The following RGS6 variants were observed in gnomAD, a reference collection of about 807,000 sequenced individuals.
RGS6 encodes the protein regulator of G-protein signaling 6.
In RGS6, 30 loss-of-function variants were observed where a neutral mutation model predicts 78.5. The observed-to-expected ratio is 0.38, with a 90% confidence interval of 0.29 to 0.52. The LOEUF is 0.52. Among genes scored for constraint, RGS6 ranks in the 20% least tolerant of loss-of-function variants. RGS6 has a pLI of 0.85. For missense variants in RGS6, 495 were observed against 609.7 expected (o/e 0.81, Z 1.98); for synonymous variants, 206 against 206.0 (o/e 1.00, Z 0.00).
At chr14:71,994,257 G>C (rs59797803) in intron 2 of RGS6, among the ~76,000 whole-genome samples, 5,837 of 151,950 alleles carry the variant, frequency 0.038, 362 homozygotes, top group African/African-American at 0.13. Flanking sequence ...CAATACCAAG[G>C]TTAAGTAGTA....
At chr14:71,970,468 C>T (rs1595421952) in intron 2 of RGS6, among the ~76,000 whole-genome samples, 1 of 152,138 alleles carries the variant, frequency 6.6e-6, no homozygotes, top group Non-Finnish European at 1.5e-5. Context: ...GTAAATGTCA[C>T]ACTATTTTAG....
At chr14:72,276,034 T>C (rs545774160) in intron 2 of RGS6, among the ~76,000 whole-genome samples, 83 of 152,316 alleles carry the variant, frequency 5.4e-4, no homozygotes, top group African/African-American at 1.9e-3. Flanking sequence ...TTAAGAGCTT[T>C]TTAATTTCAA....
At chr14:72,326,754 G>A (rs373256613) in intron 2 of RGS6, among the ~76,000 whole-genome samples, 1 of 152,164 alleles carries the variant, frequency 6.6e-6, no homozygotes, top group Admixed American at 6.5e-5. Flanking sequence ...CCAGACTGGA[G>A]TGCAGTGACG....
rs190252494 is a variant in RGS6 at position 72,316,409 on chromosome 14, C to T, written c.85-35686C>T. Among the ~76,000 whole-genome samples the T allele has an allele frequency of 2.0e-5, 3 of 152,232 alleles. No homozygotes were observed. In the East Asian group the frequency reaches 5.8e-4, roughly 29 times the overall value. On this transcript the variant is annotated intron_variant, in intron 2 of 17. Transcript: ENST00000553525. ...CCATGCACCCACCCCACAACAGGCC[C>T]CAGTGTGTGATGTTCCCCACCCTGT...
chr14:72,234,966 T>A (rs775238107), intron 2 of RGS6, among the ~76,000 whole-genome samples: 73 of 152,166 alleles, frequency 4.8e-4, no homozygotes, highest in Admixed American at 2.6e-4. Context: ...ATTTCCCACC[T>A]CAGAGACGAT....
At position 72,352,144 on chromosome 14, in the gene RGS6, C is replaced by A; in HGVS notation, c.134C>A (p.Pro45His). 1.2e-6 allele frequency: 2 copies of A among 1,613,330 alleles called. No homozygotes were observed. Among genetic ancestry groups the A allele is most frequent in the Non-Finnish European group, 1.7e-6 (2 of 1,179,662 alleles). Residue 45 changes from proline to histidine, a missense_variant, in exon 3 of 18, where the codon CCC becomes CAC. Physicochemically the swap from Pro to His is moderately conservative, Grantham distance 77. Transcript: ENST00000553525. ...CAAGATGACAAGACAGGGGGTGTGC[C>A]CATCAGAACAGTCAAGAGCTTTCTC... The part of the protein sequence containing the change: ...KMQDDKTGGV[P>H]IRTVKSFLSK...
rs80055007 is a variant in RGS6 at position 72,155,032 on chromosome 14, T to G, written c.84+190157T>G. The stretch of plus-strand genomic sequence containing the variant: ...CAGAGTGAAGTAAACAATTTCACCG[T>G]TAGGTGGTTCACCCTGCATGCCTCA... On this transcript the variant is annotated intron_variant, in intron 2 of 17. Coordinates refer to ENST00000553525, the MANE Select transcript of RGS6 (RefSeq NM_001204424.2). Among the ~76,000 whole-genome samples the G allele has an allele frequency of 3.7e-3, 559 of 152,320 alleles. 13 individuals carry two copies. In the East Asian group the frequency reaches 0.054, roughly 15 times the overall value.
At chr14:72,341,627 C>A (rs1388743137) in intron 2 of RGS6, among the ~76,000 whole-genome samples, 1 of 152,152 alleles carries the variant, frequency 6.6e-6, no homozygotes, top group Non-Finnish European at 1.5e-5. Flanking sequence ...GCAAAACAGG[C>A]TGGGAGGAGT....
At chr14:72,584,165 G>A in the RGS6 span, among the ~76,000 whole-genome samples, 1 of 152,074 alleles carries the variant, frequency 6.6e-6, no homozygotes, top group Non-Finnish European at 1.5e-5. Flanking sequence ...CACTGTCTGG[G>A]GTGTTCAATT....
intron 2 of RGS6, among the ~76,000 whole-genome samples, chr14:72,223,966 G>A (rs1250298247): frequency 6.6e-6 from 1 of 152,214 alleles, no homozygotes; most frequent in Admixed American, 6.5e-5. Context: ...ACACCTGAGA[G>A]CAGAGACACA....
the RGS6 span, among the ~76,000 whole-genome samples, chr14:71,921,343 G>A: frequency 3.8e-4 from 58 of 152,264 alleles, no homozygotes; most frequent in African/African-American, 9.4e-4. Context: ...TAGAACTACC[G>A]TATTACCCAG....
intron 2 of RGS6, among the ~76,000 whole-genome samples, chr14:72,347,377 T>G (rs1033622443): frequency 1.3e-5 from 2 of 152,310 alleles, no homozygotes; most frequent in Admixed American, 1.3e-4. Flanking sequence ...CAGCAGTCAT[T>G]GGGCAGAAAT....
At chr14:71,882,063 G>A in the RGS6 span, among the ~76,000 whole-genome samples, 2,159 of 152,096 alleles carry the variant, frequency 0.014, 44 homozygotes, top group African/African-American at 0.049. Flanking sequence ...GAACTTTTAC[G>A]CCATCCCAGA....
intron 13 of RGS6, among the ~76,000 whole-genome samples, chr14:72,499,246 A>G (rs143963559): frequency 6.6e-6 from 1 of 152,322 alleles, no homozygotes; most frequent in African/African-American, 2.4e-5. Context: ...CTGGTTCCCA[A>G]GATGTTTTTT....
At chr14:71,997,773 C>A (rs1326189940) in intron 2 of RGS6, among the ~76,000 whole-genome samples, 2 of 152,174 alleles carry the variant, frequency 1.3e-5, no homozygotes, top group African/African-American at 4.8e-5. Context: ...GTTCATAAAG[C>A]ACTTTTACAT....
chr14:72,242,998 G>T (rs556199452), intron 2 of RGS6, among the ~76,000 whole-genome samples: 1 of 151,724 alleles, frequency 6.6e-6, no homozygotes, highest in South Asian at 2.1e-4. Flanking sequence ...ACAGGCGCGC[G>T]CCACCACACC....
intron 2 of RGS6, among the ~76,000 whole-genome samples, chr14:72,321,022 G>A (rs1247959592): frequency 6.6e-6 from 1 of 150,666 alleles, no homozygotes; most frequent in Admixed American, 6.6e-5. Flanking sequence ...AATATATAAG[G>A]TACATGTTTA....
At chr14:72,047,905 T>G (rs1017590313) in intron 2 of RGS6, among the ~76,000 whole-genome samples, 16 of 147,576 alleles carry the variant, frequency 1.1e-4, no homozygotes, top group African/African-American at 2.0e-4. Flanking sequence ...TTTGTTTTTT[T>G]TTTTTTTTTT....
chr14:72,441,551 G>A (rs778936200), intron 3 of RGS6, among the ~76,000 whole-genome samples: 1 of 152,206 alleles, frequency 6.6e-6, no homozygotes, highest in Admixed American at 6.5e-5. Context: ...GGCACTGAGC[G>A]CCATCCCAGG....
Sources: gnomAD v4.1 joint callset for allele counts (sites outside exome capture counted in the v4.1 genomes callset) on GRCh38, gnomAD v4.1.1 for gene constraint, MANE v1.5 for transcripts, NCBI Gene and HGNC (gene_info 2026-07-23, HGNC 2026-07-21) for gene names.